The following ANKRD17 variants were observed in gnomAD, a reference collection of about 807,000 sequenced individuals.
ANKRD17 encodes ankyrin repeat domain 17.
ANKRD17 carries 19 observed loss-of-function variants against 229.7 expected under a neutral mutation model. The observed-to-expected ratio is 0.08, with a 90% CI of 0.06 to 0.12. The LOEUF is 0.12. Ranked by LOEUF, ANKRD17 falls within the 10% of genes least tolerant of loss-of-function variation. The pLI is 1.00. For synonymous variants in ANKRD17, 1,112 were observed against 1,146.1 expected, an observed-to-expected ratio of 0.97 and a Z score of 0.60; for missense variants, 2,176 against 3,176.8, an observed-to-expected ratio of 0.68 and a Z score of 7.57.
intron 1 of ANKRD17, among the ~76,000 whole-genome samples, chr4:73,206,423 A>AGC (rs1422825253): frequency 0.063 from 6,037 of 95,104 alleles, 284 homozygotes; most frequent in African/African-American, 0.14. Flanking sequence ...AGAGAAAGAA[A>AGC]GTGAGAGAGA....
chr4:73,239,471 CTA>C (rs1317455821), intron 1 of ANKRD17, among the ~76,000 whole-genome samples: 11 of 152,086 alleles, frequency 7.2e-5, no homozygotes, highest in Non-Finnish European at 1.5e-4. Flanking sequence ...ACTAAGATAA[CTA>C]TATGTGTATT....
chr4:73,090,524 A>T (rs1722691574), intron 29 of ANKRD17, 143 bp downstream of exon 29: 2 of 1,038,302 alleles, frequency 1.9e-6, no homozygotes, highest in Admixed American at 5.5e-5. Context: ...CATACTAAAC[A>T]CAAACAACAG....
chr4:73,128,447 A>G (rs1727761282), intron 16 of ANKRD17, among the ~76,000 whole-genome samples: 1 of 152,264 alleles, frequency 6.6e-6, no homozygotes, highest in Non-Finnish European at 1.5e-5. Context: ...TAATTTAGGA[A>G]AGCTTAAATA....
At chr4:73,118,952 TC>T in intron 21 of ANKRD17, 102 bp from the exon 22 acceptor site, 1 of 1,261,936 alleles carries the variant, frequency 7.9e-7, no homozygotes, top group Non-Finnish European at 1.1e-6. Flanking sequence ...AGTGGTGAGA[TC>T]ATGGCTCACT....
At chr4:73,247,451 C>T (rs1160962116) in intron 1 of ANKRD17, among the ~76,000 whole-genome samples, 1 of 151,894 alleles carries the variant, frequency 6.6e-6, no homozygotes, top group African/African-American at 2.4e-5. Context: ...GTAGTGAAAA[C>T]AATCTAAATG....
At chr4:73,123,762 T>C (rs574719855) in intron 18 of ANKRD17, among the ~76,000 whole-genome samples, 33 of 151,938 alleles carry the variant, frequency 2.2e-4, no homozygotes, top group Non-Finnish European at 4.0e-4. Context: ...TGGGTTTAAC[T>C]AACTAGAGCT....
Position 73,179,512 on chromosome 4 carries a change from A to AT in ANKRD17, c.394-1980dup, listed in dbSNP as rs1560665984. On this transcript the variant is annotated intron_variant, in intron 1 of 33. Transcript: ENST00000358602. ...TGTATATATATATATATATATATAT[A>AT]TATATATTTTTTTTTTTTTTTTTAA... Among the ~76,000 whole-genome samples the AT allele has an allele frequency of 2.4e-4, 17 of 70,552 alleles. No homozygotes were observed. In the East Asian group the frequency reaches 3.6e-3, roughly 15 times the overall value. The allele number at this position is 70,552 out of a possible 152,430, so 46.3% of individuals were successfully genotyped here.
intron 1 of ANKRD17, among the ~76,000 whole-genome samples, chr4:73,200,589 A>G (rs1157109854): frequency 6.6e-6 from 1 of 152,144 alleles, no homozygotes; most frequent in African/African-American, 2.4e-5. Flanking sequence ...ATTAAAATTA[A>G]TAACTCCATT....
chr4:73,195,407 A>G (rs1737717126), intron 1 of ANKRD17, among the ~76,000 whole-genome samples: 1 of 152,120 alleles, frequency 6.6e-6, no homozygotes, highest in Non-Finnish European at 1.5e-5. Flanking sequence ...CCCTCATCAT[A>G]TATTTTCTGT....
intron 3 of ANKRD17, among the ~76,000 whole-genome samples, chr4:73,157,584 C>A (rs1357029200): frequency 1.3e-5 from 2 of 152,156 alleles, no homozygotes; most frequent in African/African-American, 2.4e-5. Flanking sequence ...TTATTATCCT[C>A]TTAAAATATG....
intron 24 of ANKRD17, among the ~76,000 whole-genome samples, chr4:73,106,686 C>G (rs1463190661): frequency 1.3e-5 from 2 of 152,006 alleles, no homozygotes; most frequent in African/African-American, 4.8e-5. Context: ...CAAGACCATT[C>G]TGGCCAATAT....
At chr4:73,099,187 T>C in intron 25 of ANKRD17, 1 of 651,114 alleles carries the variant, frequency 1.5e-6, no homozygotes. Context: ...GCAGCTTCCT[T>C]CTGGGACTGG....
chr4:73,135,732 C>G (rs867318869), intron 15 of ANKRD17, among the ~76,000 whole-genome samples: 25 of 152,200 alleles, frequency 1.6e-4, no homozygotes, highest in Middle Eastern at 6.8e-3. Flanking sequence ...AGAAATCTCA[C>G]TATGCAATCA....
At position 73,076,022 on chromosome 4, in the gene ANKRD17, GCTAA is replaced by G. The variant is rs1270236832; in HGVS notation, c.*205_*208del. On this transcript the variant is annotated 3_prime_UTR_variant, in exon 34 of 34. Coordinates refer to ENST00000358602, the MANE Select transcript of ANKRD17 (RefSeq NM_032217.5). ...AAAAAAGAAAAATGATAAGAAAAAT[GCTAA>G]CTAAGGTAAAACGGATGATGATGGG... The G allele has an allele frequency of 1.4e-5, 6 of 428,138 alleles. No individual in the cohort carries two copies. The highest frequency in any genetic ancestry group is 6.2e-5 in the African/African-American group (3 of 48,682). The allele number at this position is 428,138 out of a possible 1,614,324, so 26.5% of individuals were successfully genotyped here.
At chr4:73,151,598 T>C in intron 6 of ANKRD17, 74 bp from the exon 7 acceptor site, 1 of 1,146,222 alleles carries the variant, frequency 8.7e-7, no homozygotes. Flanking sequence ...TATAATATTT[T>C]GAAAAGTTAT....
At chr4:73,214,993 T>C (rs1221427651) in intron 1 of ANKRD17, among the ~76,000 whole-genome samples, 1 of 152,102 alleles carries the variant, frequency 6.6e-6, no homozygotes, top group African/African-American at 2.4e-5. Flanking sequence ...AGAAAAACAC[T>C]TGTGCAAACT....
intron 25 of ANKRD17, chr4:73,100,854 A>G: frequency 8.1e-6 from 8 of 985,378 alleles, no homozygotes; most frequent in Non-Finnish European, 9.6e-6. Flanking sequence ...ACACACACAT[A>G]CACACATTGC....
intron 1 of ANKRD17, among the ~76,000 whole-genome samples, chr4:73,178,245 T>C (rs927420373): frequency 1.3e-5 from 2 of 152,160 alleles, no homozygotes; most frequent in African/African-American, 4.8e-5. Context: ...TACTTTACCA[T>C]AAAAATGACA....
rs189931152 is a variant in ANKRD17 at position 73,145,574 on chromosome 4, G to C, written c.1870-742C>G. Among the ~76,000 whole-genome samples the C allele has an allele frequency of 1.5e-3, 226 of 152,084 alleles. 2 individuals carry two copies. The highest frequency in any genetic ancestry group is 4.9e-3 in the African/African-American group (203 of 41,494). On this transcript the variant is annotated intron_variant, in intron 10 of 33. Transcript: ENST00000358602. The stretch of plus-strand genomic sequence containing the variant: ...CCTTCACATCTGATGAACAATTTCT[G>C]ATTTTTCTCTTAAGCCATATCCTAG...
Sources: allele counts gnomAD v4.1 joint callset (sites outside exome capture counted in the v4.1 genomes callset), GRCh38; gene constraint gnomAD v4.1.1; transcripts MANE v1.5; gene names NCBI Gene and HGNC (gene_info 2026-07-23, HGNC 2026-07-21).